Variants in HECW2 observed in about 807,000 individuals in gnomAD.
The protein encoded by HECW2 is HECT, C2 and WW domain containing E3 ubiquitin protein ligase 2, also known as E3 ubiquitin-protein ligase HECW2.
HECW2 carries 61 observed loss-of-function variants against 175.2 expected under a neutral mutation model. The observed-to-expected ratio is 0.35, with a 90% CI of 0.28 to 0.43. The LOEUF is 0.43. Ranked by LOEUF, HECW2 falls within the 20% of genes least tolerant of loss-of-function variation. HECW2 has a pLI of 1.00. For synonymous variants in HECW2, 671 were observed against 731.0 expected, an observed-to-expected ratio of 0.92 and a Z score of 1.32; for missense variants, 1,524 against 2,000.5, an observed-to-expected ratio of 0.76 and a Z score of 4.54.
chr2:196,496,573 C>T (rs891693768), intron 1 of HECW2, among the ~76,000 whole-genome samples: 1 of 152,062 alleles, frequency 6.6e-6, no homozygotes, highest in Non-Finnish European at 1.5e-5. Flanking sequence ...ATCTTAAGCC[C>T]TTTTTCACTC....
At chr2:196,506,125 T>C (rs926706588) in intron 1 of HECW2, among the ~76,000 whole-genome samples, 3 of 152,028 alleles carry the variant, frequency 2.0e-5, no homozygotes, top group Non-Finnish European at 4.4e-5. Context: ...CATAATATGA[T>C]ATGGACCTTA....
chr2:196,466,127 G>C (rs1696943640), intron 1 of HECW2, among the ~76,000 whole-genome samples: 1 of 152,174 alleles, frequency 6.6e-6, no homozygotes, highest in Non-Finnish European at 1.5e-5. Context: ...CAGTGATCAA[G>C]TATAAATGAC....
At chr2:196,484,025 G>C (rs1559137681) in intron 1 of HECW2, among the ~76,000 whole-genome samples, 1 of 152,164 alleles carries the variant, frequency 6.6e-6, no homozygotes, top group Non-Finnish European at 1.5e-5. Flanking sequence ...TCCAGGCTTT[G>C]AAATCGTTTT....
intron 1 of HECW2, among the ~76,000 whole-genome samples, chr2:196,564,468 G>A (rs1690111302): frequency 2.0e-5 from 3 of 152,188 alleles, no homozygotes; most frequent in Admixed American, 2.0e-4. Context: ...CTCAGGAAGT[G>A]TGGAAGTATT....
chr2:196,228,085 G>A lies in HECW2; in HGVS notation c.3917+17C>T. The A allele has an allele frequency of 6.6e-7, 1 of 1,504,962 alleles. No individual in the cohort carries two copies. Among genetic ancestry groups the A allele is most frequent in the Non-Finnish European group, 8.9e-7 (1 of 1,123,906 alleles). 93.2% of individuals were successfully genotyped at this position (1,504,962 alleles called of 1,614,324 possible). ...AGGAAATCGCCTGAAGAAAAGTGTT[G>A]GGGAAAAAATACTTACCATTCATGG... On this transcript the variant is annotated intron_variant, in intron 22 of 28. Transcript: ENST00000644978.
chr2:196,203,160 G>A (rs1212775338), intron 28 of HECW2, among the ~76,000 whole-genome samples: 11 of 152,148 alleles, frequency 7.2e-5, no homozygotes, highest in Admixed American at 7.2e-4. Context: ...TTAGGGTATA[G>A]AGATAGTACC....
intron 2 of HECW2, among the ~76,000 whole-genome samples, chr2:196,352,956 A>G (rs905586816): frequency 6.6e-6 from 1 of 152,246 alleles, no homozygotes; most frequent in Admixed American, 6.5e-5. Flanking sequence ...TGGCATATAG[A>G]AACATGTCTC....
At chr2:196,363,896 C>T (rs765838836) in intron 2 of HECW2, among the ~76,000 whole-genome samples, 1 of 152,066 alleles carries the variant, frequency 6.6e-6, no homozygotes, top group Non-Finnish European at 1.5e-5. Context: ...CTCTTTTTGG[C>T]ATCAAAGTTG....
In HECW2 at chr2:196,521,264, A is replaced by T. The variant is rs576661558; in HGVS notation, c.-36+72244T>A. Among the ~76,000 whole-genome samples the T allele has an allele frequency of 1.6e-4, 23 of 141,724 alleles. No individual in the cohort carries two copies. In the South Asian group the frequency reaches 3.9e-3, roughly 24 times the overall value. 93.0% of individuals were successfully genotyped at this position (141,724 alleles called of 152,430 possible). A position where few individuals can be genotyped will look rare whatever the true frequency, so the allele number is the denominator to read the frequency against. On this transcript the variant is annotated intron_variant, in intron 1 of 28. Coordinates refer to ENST00000644978, the MANE Select transcript of HECW2 (RefSeq NM_001348768.2). Reference sequence around the variant, plus strand: ...GCAGTCTTTCTTGTATTTCATCCTCACTAGGAAACGTGAGTAACAAAAAAA... The same window carrying T: ...GCAGTCTTTCTTGTATTTCATCCTCTCTAGGAAACGTGAGTAACAAAAAAA...
intron 1 of HECW2, among the ~76,000 whole-genome samples, chr2:196,458,345 C>T (rs1696595748): frequency 6.6e-6 from 1 of 152,076 alleles, no homozygotes; most frequent in Admixed American, 6.6e-5. Flanking sequence ...TTAAATTCTA[C>T]ACCTGAAATA....
chr2:196,446,190 C>T (rs1041254799), intron 1 of HECW2, among the ~76,000 whole-genome samples: 12 of 152,192 alleles, frequency 7.9e-5, no homozygotes, highest in African/African-American at 2.9e-4. Context: ...CAGCCACTCT[C>T]TACCACAGGG....
chr2:196,230,863 G>A lies in HECW2; in HGVS notation c.3765-2609C>T, dbSNP rs536167290. On this transcript the variant is annotated intron_variant, in intron 21 of 28. Transcript: ENST00000644978. ...TCACGCCTGTAATCCCAGCACTTTG[G>A]GAAGCTGAGGCAGGCGGATCACGAG... is the stretch of plus-strand genomic sequence containing the variant. 8.7e-3 allele frequency among the ~76,000 whole-genome samples: 1,319 copies of A among 152,176 alleles called. 22 individuals carry two copies. Among genetic ancestry groups the A allele is most frequent in the African/African-American group, 0.031 (1,275 of 41,500 alleles).
intron 1 of HECW2, among the ~76,000 whole-genome samples, chr2:196,576,122 ATACT>A (rs1451647989): frequency 4.0e-5 from 6 of 149,580 alleles, no homozygotes; most frequent in Admixed American, 6.7e-5. Flanking sequence ...AGATAGACAA[ATACT>A]TACCATTGTG....
chr2:196,216,396 A>G (rs867368462), intron 27 of HECW2, among the ~76,000 whole-genome samples: 2 of 151,950 alleles, frequency 1.3e-5, no homozygotes, highest in South Asian at 2.1e-4. Flanking sequence ...CCCTTAATCC[A>G]AAGGAGCTAA....
rs576191878 is a variant in HECW2, at chr2:196,237,286, C to T, written c.3764+3163G>A. Reference sequence around the variant, plus strand: ...TGGTGATTTCTGAGATTTTGGTGCACCATCACCTGAGCAGTGTACACTGTA... The same window carrying T: ...TGGTGATTTCTGAGATTTTGGTGCATCATCACCTGAGCAGTGTACACTGTA... On this transcript the variant is annotated intron_variant, in intron 21 of 28. Transcript: ENST00000644978. 2.0e-5 allele frequency among the ~76,000 whole-genome samples: 3 copies of T among 152,220 alleles called. No homozygotes were observed. The South Asian group carries it at 6.2e-4, about 32-fold the overall frequency.
intron 15 of HECW2, among the ~76,000 whole-genome samples, 163 bp from the exon 16 acceptor site, chr2:196,274,286 A>G (rs1689856198): frequency 6.6e-6 from 1 of 152,220 alleles, no homozygotes; most frequent in South Asian, 2.1e-4. Flanking sequence ...TTAGTTATTG[A>G]AAGCCTTGTT....
At chr2:196,374,050 T>TAAA (rs1379110469) in intron 2 of HECW2, among the ~76,000 whole-genome samples, 1 of 147,176 alleles carries the variant, frequency 6.8e-6, no homozygotes, top group Admixed American at 6.7e-5. Context: ...TAAAATAAAA[T>TAAA]AAATAAATAA....
chr2:196,576,247 AT>A (rs1690559086), intron 1 of HECW2, among the ~76,000 whole-genome samples: 1 of 152,158 alleles, frequency 6.6e-6, no homozygotes, highest in Non-Finnish European at 1.5e-5. Flanking sequence ...AGGCTATACC[AT>A]CTAAGTTTGT....
chr2:196,569,832 C>A (rs965551246), intron 1 of HECW2, among the ~76,000 whole-genome samples: 1 of 152,232 alleles, frequency 6.6e-6, no homozygotes, highest in African/African-American at 2.4e-5. Flanking sequence ...TGTGAAGGCA[C>A]ATGGAAAAGT....
Sources: allele counts gnomAD v4.1 joint callset (sites outside exome capture counted in the v4.1 genomes callset), GRCh38; gene constraint gnomAD v4.1.1; transcripts MANE v1.5; gene names NCBI Gene and HGNC (gene_info 2026-07-23, HGNC 2026-07-21).